Variants in SNTG2 observed in about 807,000 individuals in gnomAD.
SNTG2 encodes gamma-2-syntrophin.
SNTG2 carries 74 observed loss-of-function variants against 70.9 expected under a neutral mutation model. The observed-to-expected ratio is 1.04, with a 90% confidence interval of 0.86 to 1.27. The LOEUF (loss-of-function observed/expected upper bound fraction) is 1.27. Among genes scored for constraint, SNTG2 ranks in the 50% most tolerant of loss-of-function variants. The pLI is 0.00. For synonymous variants in SNTG2, 278 were observed against 273.8 expected (o/e 1.02, Z -0.15); for missense variants, 717 against 690.7 (o/e 1.04, Z -0.43).
At chr2:1,187,906 A>T (rs1471026299) in intron 8 of SNTG2, among the ~76,000 whole-genome samples, 1 of 152,252 alleles carries the variant, frequency 6.6e-6, no homozygotes, top group Non-Finnish European at 1.5e-5. Context: ...TTGTTCGCAC[A>T]AAGAGAGTCT....
intron 6 of SNTG2, among the ~76,000 whole-genome samples, chr2:1,153,056 G>A (rs1420332285): frequency 1.3e-5 from 2 of 151,680 alleles, no homozygotes; most frequent in African/African-American, 2.4e-5. Context: ...CCCAGGAGGC[G>A]GAGGTTGCAG....
intron 14 of SNTG2, among the ~76,000 whole-genome samples, chr2:1,273,118 G>A (rs753150237): frequency 6.6e-6 from 1 of 152,102 alleles, no homozygotes; most frequent in East Asian, 1.9e-4. Flanking sequence ...CTGCCTGCCC[G>A]CCTCGGGGAA....
chr2:1,111,252 C>T (rs1308628065), intron 4 of SNTG2, among the ~76,000 whole-genome samples: 4 of 152,162 alleles, frequency 2.6e-5, no homozygotes, highest in African/African-American at 9.7e-5. Context: ...ATGCCGAAAC[C>T]TCAAAAAGAA....
intron 16 of SNTG2, among the ~76,000 whole-genome samples, chr2:1,355,415 A>G (rs889276650): frequency 1.3e-5 from 2 of 152,104 alleles, no homozygotes; most frequent in African/African-American, 2.4e-5. Flanking sequence ...ACCCTGTTAG[A>G]TTCCATATAT....
chr2:1,330,798 G>A (rs926891893), intron 16 of SNTG2, among the ~76,000 whole-genome samples: 4 of 152,182 alleles, frequency 2.6e-5, no homozygotes, highest in Non-Finnish European at 4.4e-5. Flanking sequence ...TAAATCCAGC[G>A]GGTGTTGCCA....
chr2:1,301,883 A>T (rs1190884712), intron 14 of SNTG2, among the ~76,000 whole-genome samples: 3 of 152,186 alleles, frequency 2.0e-5, no homozygotes, highest in Admixed American at 1.3e-4. Context: ...GAACCTGGGA[A>T]CATCAGGAGG....
intron 4 of SNTG2, among the ~76,000 whole-genome samples, chr2:1,114,394 C>T (rs763157471): frequency 6.6e-6 from 1 of 151,824 alleles, no homozygotes; most frequent in Non-Finnish European, 1.5e-5. Flanking sequence ...ACCTTACACT[C>T]CTTTGAGGAG....
At chr2:1,262,787 G>GCAACCGGAAGGC (rs1421013637) in intron 13 of SNTG2, 140 of 151,502 alleles carry the variant, frequency 9.2e-4, no homozygotes, top group Middle Eastern at 3.4e-3. Context: ...TGCAGACGAG[G>GCAACCGGAAGGC]TAACCGGAAG....
intron 1 of SNTG2, among the ~76,000 whole-genome samples, chr2:990,767 C>G (rs2147977479): frequency 6.6e-6 from 1 of 151,700 alleles, no homozygotes; most frequent in South Asian, 2.1e-4. Flanking sequence ...AAAATAAATG[C>G]AATAAAATTG....
At chr2:1,346,400 T>C (rs544438570) in intron 16 of SNTG2, 2 of 152,400 alleles carry the variant, frequency 1.3e-5, no homozygotes, top group African/African-American at 4.8e-5. Context: ...CACAGCTGAT[T>C]GTGGTCTCAG....
chr2:1,336,369 A>G (rs1193582087), intron 16 of SNTG2, among the ~76,000 whole-genome samples: 3 of 152,184 alleles, frequency 2.0e-5, no homozygotes, highest in Non-Finnish European at 2.9e-5. Context: ...TTAACCCCTT[A>G]TCAAATGCAT....
At position 1,157,834 on chromosome 2, in the gene SNTG2, C is replaced by T. The variant is rs929084481; in HGVS notation, c.412-7714C>T. Among the ~76,000 whole-genome samples, 6 of 152,270 alleles carry T rather than the reference C, an allele frequency of 3.9e-5. No individual in the cohort carries two copies. The East Asian group carries it at 5.8e-4, about 15-fold the overall frequency. On this transcript the variant is annotated intron_variant, in intron 6 of 16. Coordinates refer to ENST00000308624, the MANE Select transcript of SNTG2 (RefSeq NM_018968.4). ...TGCCCCGCGGGTGATATGAGCCCAG[C>T]ACCGCAATGCTCTGGGAGGTTTTGG...
chr2:1,255,825 TATATATAAATATATATAAATATATATAA>T (rs1678028760), intron 12 of SNTG2, among the ~76,000 whole-genome samples: 2 of 59,136 alleles, frequency 3.4e-5, no homozygotes, highest in African/African-American at 7.9e-5. Context: ...TGTATGTATA[TATATATAAATATATATAAATATATATAA>T]ATATATATAA....
intron 4 of SNTG2, among the ~76,000 whole-genome samples, chr2:1,109,359 A>G (rs1666291329): frequency 6.6e-6 from 1 of 152,110 alleles, no homozygotes; most frequent in Non-Finnish European, 1.5e-5. Flanking sequence ...TATAACACAC[A>G]GAGAAAGGAT....
intron 4 of SNTG2, among the ~76,000 whole-genome samples, chr2:1,127,846 G>T (rs1426660350): frequency 6.6e-6 from 1 of 152,148 alleles, no homozygotes; most frequent in Non-Finnish European, 1.5e-5. Flanking sequence ...TCAGTGCTAA[G>T]AGTTTTTTGG....
chr2:986,754 A>G (rs1402329922), intron 1 of SNTG2, among the ~76,000 whole-genome samples: 2 of 152,256 alleles, frequency 1.3e-5, no homozygotes, highest in African/African-American at 2.4e-5. Flanking sequence ...GATAAAATGT[A>G]GCAGTGTTCT....
chr2:970,478 C>T (rs1238585869), intron 1 of SNTG2, among the ~76,000 whole-genome samples: 1 of 145,262 alleles, frequency 6.9e-6, no homozygotes, highest in Non-Finnish European at 1.5e-5. Flanking sequence ...TCCATGTGTT[C>T]TCATTGTTCA....
chr2:1,135,065 G>C (rs973263097), intron 4 of SNTG2, among the ~76,000 whole-genome samples: 7 of 152,176 alleles, frequency 4.6e-5, no homozygotes, highest in African/African-American at 1.7e-4. Flanking sequence ...GGAGGCTGCT[G>C]ACCCATGGGC....
intron 1 of SNTG2, among the ~76,000 whole-genome samples, chr2:1,053,166 A>C (rs1420524502): frequency 6.6e-6 from 1 of 152,206 alleles, no homozygotes; most frequent in Middle Eastern, 3.2e-3. Context: ...TGTTCAACAG[A>C]CATCAGTCAG....
Sources: allele counts gnomAD v4.1 joint callset (sites outside exome capture counted in the v4.1 genomes callset), GRCh38; gene constraint gnomAD v4.1.1; transcripts MANE v1.5; gene names NCBI Gene and HGNC (gene_info 2026-07-23, HGNC 2026-07-21).